The following VCAN variants were observed in gnomAD, a reference collection of about 807,000 sequenced individuals.
VCAN encodes the protein versican, also known as versican core protein.
In VCAN, 44 loss-of-function variants were observed where a neutral mutation model predicts 245.5. That is an observed-to-expected ratio of 0.18 (90% CI 0.14 to 0.23). The LOEUF (loss-of-function observed/expected upper bound fraction) is 0.23. Ranked by LOEUF, VCAN falls within the 10% of genes least tolerant of loss-of-function variation. VCAN has a pLI of 1.00. For synonymous variants in VCAN, 1,413 were observed against 1,437.0 expected (o/e 0.98, Z 0.38); for missense variants, 3,793 against 4,057.9 (o/e 0.93, Z 1.77).
In VCAN at chr5:83,580,659, C is replaced by A; in HGVS notation, c.*225C>A. On this transcript the variant is annotated 3_prime_UTR_variant, in exon 15 of 15. Coordinates refer to ENST00000265077, the MANE Select transcript of VCAN (RefSeq NM_004385.5). ...AATGAGAGCAGAAAGTAAGCATTTC[C>A]AGCCTATCTAATTTCTTTAGTTTTC... is the stretch of plus-strand genomic sequence containing the variant. 1 of 599,238 alleles carries A rather than the reference C, an allele frequency of 1.7e-6. No homozygotes were observed. Among genetic ancestry groups the A allele is most frequent in the Non-Finnish European group, 2.8e-6 (1 of 353,648 alleles). The allele number at this position is 599,238 out of a possible 1,614,324, so 37.1% of individuals were successfully genotyped here.
Position 83,540,466 on chromosome 5 carries a change from T to C in VCAN, c.7463T>C (p.Met2488Thr). Residue 2488 changes from methionine (M) to threonine (T), a missense_variant, in exon 8 of 15, where the codon ATG (methionine) becomes ACG (threonine). This residue lies in a region of VCAN where 3,182 missense variants were observed against 3,250.3 expected (regional missense o/e 0.98). Coordinates refer to ENST00000265077, the MANE Select transcript of VCAN (RefSeq NM_004385.5). ...TADGFPTVSVMLPLHSEQNKS... is the reference protein window; with the variant it reads ...TADGFPTVSVTLPLHSEQNKS... ...GATGGATTCCCAACAGTTTCAGTGATGCTGCCTCTTCATTCAGAGCAGAAC... is the reference window on the plus strand; with the variant it reads ...GATGGATTCCCAACAGTTTCAGTGACGCTGCCTCTTCATTCAGAGCAGAAC... 1.2e-6 allele frequency: 2 copies of C among 1,613,992 alleles called. No individual in the cohort carries two copies. The highest frequency in any genetic ancestry group is 1.7e-6 in the Non-Finnish European group (2 of 1,179,936).
In VCAN at chr5:83,547,950, GC is replaced by G; in HGVS notation, c.9380-20del. ...GATACTTTTTGAAAGTATTTTGTGAGCTTTTACTATTTTGTTTCAGATTTTG... is the reference window on the plus strand; with the variant it reads ...GATACTTTTTGAAAGTATTTTGTGAGTTTTACTATTTTGTTTCAGATTTTG... On this transcript the variant is annotated intron_variant, in intron 9 of 14. Coordinates refer to ENST00000265077, the MANE Select transcript of VCAN (RefSeq NM_004385.5). 1.9e-6 allele frequency: 3 copies of G among 1,541,910 alleles called. No homozygotes were observed. Among genetic ancestry groups the G allele is most frequent in the Non-Finnish European group, 1.8e-6 (2 of 1,114,374 alleles).
chr5:83,520,699 C>T lies in VCAN; in HGVS notation c.2393C>T (p.Ala798Val), dbSNP rs1167469350. The T allele has an allele frequency of 1.2e-6, 2 of 1,613,972 alleles. No homozygotes were observed. The highest frequency in any genetic ancestry group is 2.7e-5 in the African/African-American group (2 of 74,924). The change falls in exon 7 of 15, where the codon GCC (alanine) becomes GTC (valine). Residue 798 changes from alanine to valine, a missense_variant. Physicochemically the swap from Ala to Val is moderately conservative, Grantham distance 64 (BLOSUM62 0). This residue lies in a region of VCAN where 3,182 missense variants were observed against 3,250.3 expected (regional missense o/e 0.98). Coordinates refer to ENST00000265077, the MANE Select transcript of VCAN (RefSeq NM_004385.5). ...LAHGTLSVEA[A>V]TVSKWSWDED... ...CATGGTACTTTAAGTGTTGAAGCAG[C>T]CACTGTATCAAAATGGTCATGGGAT...
At chr5:83,522,424 T>C in intron 7 of VCAN, 115 bp downstream of exon 7, 1 of 1,111,614 alleles carries the variant, frequency 9.0e-7, no homozygotes, top group Non-Finnish European at 1.3e-6. Flanking sequence ...ATAACTGGAG[T>C]GTGAAAAATA....
At position 83,577,910 on chromosome 5, in the gene VCAN, A is replaced by G. The variant is rs113078635; in HGVS notation, c.9881-2070A>G. Among the ~76,000 whole-genome samples the G allele has an allele frequency of 5.8e-3, 880 of 152,284 alleles. 10 individuals are homozygous for G. The highest frequency in any genetic ancestry group is 0.02 in the African/African-American group (827 of 41,578). On this transcript the variant is annotated intron_variant, in intron 13 of 14. Coordinates refer to ENST00000265077, the MANE Select transcript of VCAN (RefSeq NM_004385.5). ...CTCACTGAATTATTATAGCTTTTTAATAAGTCTTCATATTTAGTTTTAGAA... is the reference window on the plus strand; with the variant it reads ...CTCACTGAATTATTATAGCTTTTTAGTAAGTCTTCATATTTAGTTTTAGAA...
chr5:83,494,031 T>C, intron 5 of VCAN, 100 bp downstream of exon 5: 1 of 1,586,942 alleles, frequency 6.3e-7, no homozygotes, highest in Non-Finnish European at 8.6e-7. Context: ...TTGTTTGGAT[T>C]CCAAACGGTG....
intron 11 of VCAN, among the ~76,000 whole-genome samples, chr5:83,554,555 A>G (rs747018251): frequency 6.6e-6 from 1 of 152,150 alleles, no homozygotes; most frequent in Non-Finnish European, 1.5e-5. Context: ...GGTAGCGTGG[A>G]TAAGATCTGG....
At position 83,570,362 on chromosome 5, in the gene VCAN, G is replaced by T. The variant is rs553517895; in HGVS notation, c.9736-2054G>T. Among the ~76,000 whole-genome samples, 8 of 152,168 alleles carry T rather than the reference G, an allele frequency of 5.3e-5. No homozygotes were observed. In the South Asian group the frequency reaches 1.2e-3, roughly 24 times the overall value. On this transcript the variant is annotated intron_variant, in intron 12 of 14. Transcript: ENST00000265077. ...CTTTTTTACATAGCAGTGATCTCTT[G>T]TCTCATATCTTAATTTTGGCAGGAT... is the stretch of plus-strand genomic sequence containing the variant.
At chr5:83,567,099 C>T (rs894125710) in intron 12 of VCAN, among the ~76,000 whole-genome samples, 4 of 151,984 alleles carry the variant, frequency 2.6e-5, no homozygotes, top group African/African-American at 9.7e-5. Context: ...CCAGCTTAAT[C>T]GAAATGGTAG....
At chr5:83,506,987 C>T (rs1381161766) in intron 5 of VCAN, among the ~76,000 whole-genome samples, 2 of 152,150 alleles carry the variant, frequency 1.3e-5, no homozygotes, top group Non-Finnish European at 2.9e-5. Flanking sequence ...TCCCGTGGGT[C>T]CCTTCCACAA....
At chr5:83,574,316 C>T (rs928779391) in intron 13 of VCAN, among the ~76,000 whole-genome samples, 8 of 152,152 alleles carry the variant, frequency 5.3e-5, no homozygotes, top group Admixed American at 1.3e-4. Context: ...TTCCTTAATC[C>T]AGTCATGTTG....
chr5:83,512,263 C>T lies in VCAN; in HGVS notation c.909C>T (p.Ser303=), dbSNP rs754375176. The T allele has an allele frequency of 2.0e-5, 32 of 1,614,054 alleles. No homozygotes were observed. The highest frequency in any genetic ancestry group is 1.4e-4 in the South Asian group (13 of 91,080). The change falls in exon 6 of 15, where the codon AGC becomes AGT. Residue 303 remains serine, a synonymous_variant. Transcript: ENST00000265077. ...ATTACGGGTGGCTGTCGGATGCCAG[C>T]GTGCGCCACCCTGTGACTGTGGCCA... ...QCDYGWLSDA[S]VRHPVTVARA...
chr5:83,554,740 T>C (rs1747600506), intron 11 of VCAN, among the ~76,000 whole-genome samples: 1 of 152,210 alleles, frequency 6.6e-6, no homozygotes, highest in Non-Finnish European at 1.5e-5. Context: ...CTTGATATTT[T>C]AATGCTTCAC....
At chr5:83,500,105 T>C (rs1244403535) in intron 5 of VCAN, among the ~76,000 whole-genome samples, 1 of 152,188 alleles carries the variant, frequency 6.6e-6, no homozygotes. Flanking sequence ...TACAGAATAC[T>C]TCACTGATGA....
At chr5:83,556,132 G>C (rs542403923) in intron 12 of VCAN, among the ~76,000 whole-genome samples, 1 of 152,284 alleles carries the variant, frequency 6.6e-6, no homozygotes, top group Non-Finnish European at 1.5e-5. Flanking sequence ...CTATGTGCCA[G>C]CCACTGTATT....
rs1369749121 is a variant in VCAN, at chr5:83,537,362, A to G, written c.4359A>G (p.Pro1453=). The change falls in exon 8 of 15, where the codon CCA becomes CCG. Residue 1453 remains proline, a synonymous_variant. Coordinates refer to ENST00000265077, the MANE Select transcript of VCAN (RefSeq NM_004385.5). ...ACAGCTCTGAAAGTGATACTCATCC[A>G]TTTGTAATAGCCAAAACGGAATTGT... ...FSDSSESDTH[P]FVIAKTELST... is the part of the protein sequence containing the mutation. 2 of 1,614,018 alleles carry G rather than the reference A, an allele frequency of 1.2e-6. No homozygotes were observed. The highest frequency in any genetic ancestry group is 1.1e-5 in the South Asian group (1 of 91,086).
chr5:83,477,195 G>A (rs971423507), intron 1 of VCAN, among the ~76,000 whole-genome samples: 1 of 152,068 alleles, frequency 6.6e-6, no homozygotes, highest in African/African-American at 2.4e-5. Context: ...ACAAAAAAGG[G>A]ATGATAATAT....
At chr5:83,495,918 G>A (rs953433593) in intron 5 of VCAN, among the ~76,000 whole-genome samples, 5 of 152,138 alleles carry the variant, frequency 3.3e-5, no homozygotes, top group African/African-American at 1.2e-4. Context: ...GACCCCCCGT[G>A]TGTTTGTTTT....
Position 83,540,584 on chromosome 5 carries a change from C to G in VCAN, c.7581C>G (p.Phe2527Leu). ...DGSFQDRFRE[F>L]EDSTLKPNRK... ...GTTTCCAAGACCGTTTCAGGGAATT[C>G]GAGGATTCCACCTTAAAACCTAACA... The change falls in exon 8 of 15, where the codon TTC becomes TTG. Residue 2527 changes from phenylalanine (F) to leucine (L), a missense_variant. This residue lies in a region of VCAN where 3,182 missense variants were observed against 3,250.3 expected (regional missense o/e 0.98). Coordinates refer to ENST00000265077, the MANE Select transcript of VCAN (RefSeq NM_004385.5). The G allele has an allele frequency of 6.2e-7, 1 of 1,613,758 alleles. No individual in the cohort carries two copies. The highest frequency in any genetic ancestry group is 8.5e-7 in the Non-Finnish European group (1 of 1,179,924).
Sources: allele counts gnomAD v4.1 joint callset (sites outside exome capture counted in the v4.1 genomes callset), GRCh38; gene constraint gnomAD v4.1.1; regional missense constraint gnomAD v4.1.1; transcripts MANE v1.5; gene names NCBI Gene and HGNC (gene_info 2026-07-23, HGNC 2026-07-21).